The following AK5 variants were observed in gnomAD, a reference collection of about 807,000 sequenced individuals.
The protein encoded by AK5 is adenylate kinase 5.
AK5 carries 27 observed loss-of-function variants against 69.5 expected under a neutral mutation model. The observed-to-expected ratio is 0.39, with a 90% confidence interval of 0.29 to 0.54. AK5 has a LOEUF of 0.54. Among genes scored for constraint, AK5 ranks in the 20% least tolerant of loss-of-function variants. The pLI, the probability that AK5 is intolerant of heterozygous loss-of-function variation, is 0.71. For missense variants in AK5, 531 were observed against 700.4 expected (o/e 0.76, Z 2.73); for synonymous variants, 260 against 244.4 (o/e 1.06, Z -0.60).
chr1:77,340,537 A>G lies in AK5; in HGVS notation c.860A>G (p.Lys287Arg). The part of the protein sequence containing the change: ...NFKQNAAPLV[K>R]YFQEKGLIMT... Reference sequence around the variant, plus strand: ...AAGCAGAATGCTGCTCCATTGGTTAAATACTTCCAGGAAAAGGGGCTCATC... The same window carrying G: ...AAGCAGAATGCTGCTCCATTGGTTAGATACTTCCAGGAAAAGGGGCTCATC... The change falls in exon 6 of 14, where the codon AAA becomes AGA. Residue 287 changes from lysine (K) to arginine (R), a missense_variant. By Grantham distance (26) the Lys-to-Arg change is conservative. Transcript: ENST00000354567. 1 of 1,614,096 alleles carries G rather than the reference A, an allele frequency of 6.2e-7. No homozygotes were observed. Among genetic ancestry groups the G allele is most frequent in the East Asian group, 2.2e-5 (1 of 44,862 alleles).
intron 6 of AK5, among the ~76,000 whole-genome samples, chr1:77,342,620 A>C (rs1400798853): frequency 6.6e-6 from 1 of 152,226 alleles, no homozygotes; most frequent in East Asian, 1.9e-4. Flanking sequence ...TATAATTTGA[A>C]AAAATTTGAC....
chr1:77,415,878 G>T (rs1417272483), intron 7 of AK5, among the ~76,000 whole-genome samples: 3 of 152,146 alleles, frequency 2.0e-5, no homozygotes, highest in African/African-American at 7.2e-5. Context: ...ACATGACCTA[G>T]GCCAAGTTTT....
chr1:77,490,183 G>C (rs1045911897), intron 10 of AK5, among the ~76,000 whole-genome samples: 1 of 152,084 alleles, frequency 6.6e-6, no homozygotes, highest in Non-Finnish European at 1.5e-5. Context: ...GCTTGTTGCT[G>C]CTGTGGCTGT....
chr1:77,357,853 C>T (rs911070456), intron 6 of AK5, among the ~76,000 whole-genome samples: 13 of 152,104 alleles, frequency 8.5e-5, no homozygotes, highest in African/African-American at 2.7e-4. Flanking sequence ...CATTGGCAAG[C>T]GGGAGCTGCC....
chr1:77,367,621 TATATATGTA>T (rs1401667199), intron 6 of AK5, among the ~76,000 whole-genome samples: 3 of 57,356 alleles, frequency 5.2e-5, no homozygotes, highest in Non-Finnish European at 9.3e-5. Flanking sequence ...ATATATATGT[TATATATGTA>T]ATATATATGT....
At chr1:77,319,279 A>G (rs1389743944) in intron 5 of AK5, among the ~76,000 whole-genome samples, 1 of 152,244 alleles carries the variant, frequency 6.6e-6, no homozygotes, top group Admixed American at 6.5e-5. Flanking sequence ...ACCGTTGGTC[A>G]AAAACAGCTG....
At chr1:77,515,915 T>C (rs1357684874) in intron 10 of AK5, among the ~76,000 whole-genome samples, 1 of 151,942 alleles carries the variant, frequency 6.6e-6, no homozygotes, top group Non-Finnish European at 1.5e-5. Context: ...TAGCTGGGTG[T>C]GGTGATGTGC....
At chr1:77,342,630 CAAAG>C (rs559446686) in intron 6 of AK5, among the ~76,000 whole-genome samples, 1 of 152,098 alleles carries the variant, frequency 6.6e-6, no homozygotes, top group Admixed American at 6.6e-5. Flanking sequence ...AAAAATTTGA[CAAAG>C]AAGCAAAACA....
intron 5 of AK5, among the ~76,000 whole-genome samples, chr1:77,322,430 C>T (rs567011668): frequency 2.0e-5 from 3 of 152,230 alleles, no homozygotes; most frequent in East Asian, 1.9e-4. Context: ...TGGTTCCTCC[C>T]TCTGGGGGTT....
intron 8 of AK5, among the ~76,000 whole-genome samples, chr1:77,480,127 T>C (rs1171728990): frequency 2.8e-5 from 1 of 36,242 alleles, no homozygotes; most frequent in South Asian, 2.6e-3. Context: ...CGAGTGTGTG[T>C]GTGTGTGTGT....
chr1:77,508,854 G>A (rs537930597), intron 10 of AK5, among the ~76,000 whole-genome samples: 21 of 139,476 alleles, frequency 1.5e-4, no homozygotes, highest in African/African-American at 4.8e-4. Context: ...GCGGCAGAGC[G>A]AGACTCCATC....
chr1:77,475,789 T>C (rs1019339367), intron 8 of AK5, among the ~76,000 whole-genome samples: 14 of 151,864 alleles, frequency 9.2e-5, no homozygotes, highest in Non-Finnish European at 1.8e-4. Context: ...TACATGAAAT[T>C]AAAATGGGAA....
intron 10 of AK5, among the ~76,000 whole-genome samples, chr1:77,517,180 C>T (rs1249810235): frequency 6.6e-6 from 1 of 151,056 alleles, no homozygotes. Flanking sequence ...GAATTTTACT[C>T]TGGGAGCATA....
intron 5 of AK5, among the ~76,000 whole-genome samples, chr1:77,326,889 A>T (rs1230422909): frequency 6.6e-6 from 1 of 152,238 alleles, no homozygotes; most frequent in African/African-American, 2.4e-5. Context: ...ATGCAGATTA[A>T]ATAGGAATTT....
At chr1:77,486,461 C>G in intron 10 of AK5, 109 bp downstream of exon 10, 1 of 679,256 alleles carries the variant, frequency 1.5e-6, no homozygotes, top group Non-Finnish European at 2.4e-6. Flanking sequence ...TGTGGGAGGC[C>G]AAGGCGGGCA....
At chr1:77,285,612 A>C (rs1031918907) in intron 1 of AK5, among the ~76,000 whole-genome samples, 2 of 152,246 alleles carry the variant, frequency 1.3e-5, no homozygotes, top group African/African-American at 4.8e-5. Flanking sequence ...TATTTTGCAC[A>C]TCAGTCCAGC....
At chr1:77,352,173 C>A (rs899687885) in intron 6 of AK5, among the ~76,000 whole-genome samples, 2 of 152,130 alleles carry the variant, frequency 1.3e-5, no homozygotes, top group African/African-American at 4.8e-5. Context: ...TGTGATCCGC[C>A]CACCTTGGCC....
At chr1:77,501,926 G>A (rs1418718888) in intron 10 of AK5, among the ~76,000 whole-genome samples, 1 of 152,156 alleles carries the variant, frequency 6.6e-6, no homozygotes, top group African/African-American at 2.4e-5. Flanking sequence ...GAGGAGCACA[G>A]AGCTCAAAGA....
intron 8 of AK5, among the ~76,000 whole-genome samples, chr1:77,452,350 A>G (rs1653209816): frequency 6.6e-6 from 1 of 152,248 alleles, no homozygotes; most frequent in African/African-American, 2.4e-5. Context: ...AGAAAAAAGG[A>G]TAGCATTGCA....
Sources: allele counts gnomAD v4.1 joint callset (sites outside exome capture counted in the v4.1 genomes callset), GRCh38; gene constraint gnomAD v4.1.1; transcripts MANE v1.5; gene names NCBI Gene and HGNC (gene_info 2026-07-23, HGNC 2026-07-21).